ASIC2: variants seen among roughly 807,000 people sequenced by gnomAD.
The protein encoded by ASIC2 is acid sensing ion channel subunit 2.
ASIC2 carries 25 observed loss-of-function variants against 57.3 expected under a neutral mutation model. That is an observed-to-expected ratio of 0.44 (90% CI 0.32 to 0.61). The LOEUF (loss-of-function observed/expected upper bound fraction) is 0.61. Ranked by LOEUF, ASIC2 falls within the 20% of genes least tolerant of loss-of-function variation. The pLI is 0.06. For missense variants in ASIC2, 641 were observed against 738.1 expected (o/e 0.87, Z 1.52); for synonymous variants, 319 against 307.5 (o/e 1.04, Z -0.39).
At chr17:33,950,727 T>C (rs1270198760) in intron 1 of ASIC2, among the ~76,000 whole-genome samples, 1 of 152,228 alleles carries the variant, frequency 6.6e-6, no homozygotes, top group Non-Finnish European at 1.5e-5. Flanking sequence ...GATGAGACCC[T>C]GGGTCCCCTC....
At chr17:34,124,644 C>T (rs919206648) in intron 1 of ASIC2, among the ~76,000 whole-genome samples, 2 of 152,178 alleles carry the variant, frequency 1.3e-5, no homozygotes, top group Non-Finnish European at 2.9e-5. Context: ...TTATTTCTCA[C>T]ACTTCCAAGT....
At chr17:33,185,747 C>T (rs774521193) in intron 1 of ASIC2, among the ~76,000 whole-genome samples, 1 of 152,202 alleles carries the variant, frequency 6.6e-6, no homozygotes, top group Non-Finnish European at 1.5e-5. Context: ...CCACTAAGGC[C>T]GAGGGAAGAG....
At chr17:33,464,494 T>TTC (rs1912759587) in intron 1 of ASIC2, among the ~76,000 whole-genome samples, 3 of 38,618 alleles carry the variant, frequency 7.8e-5, no homozygotes, top group African/African-American at 2.5e-4. Context: ...CTTTCTTTCT[T>TTC]TCTTTCTTTC....
intron 1 of ASIC2, among the ~76,000 whole-genome samples, chr17:33,518,079 T>A (rs1479016590): frequency 6.6e-6 from 1 of 152,214 alleles, no homozygotes; most frequent in African/African-American, 2.4e-5. Context: ...GCCCCTCTGA[T>A]GTGCAGGAAC....
chr17:33,557,132 C>T (rs374647235), intron 1 of ASIC2, among the ~76,000 whole-genome samples: 44 of 152,232 alleles, frequency 2.9e-4, no homozygotes, highest in African/African-American at 1.1e-3. Flanking sequence ...ACCTTACTTC[C>T]TATAATGTGG....
rs531816641 is a variant in ASIC2 at position 33,631,932 on chromosome 17, T to C, written c.556-519865A>G. Among the ~76,000 whole-genome samples, 11 of 152,332 alleles carry C rather than the reference T, an allele frequency of 7.2e-5. No individual in the cohort carries two copies. In the South Asian group the frequency reaches 1.9e-3, roughly 26 times the overall value. ...TAGGTCTCTTCCAAGTCTGAGATTC[T>C]CTGATTCAAGAATGGGGAAGGGCCC... is the stretch of plus-strand genomic sequence containing the variant. On this transcript the variant is annotated intron_variant, in intron 1 of 9. Transcript: ENST00000359872.
At chr17:33,618,013 GC>G (rs1208761001) in intron 1 of ASIC2, among the ~76,000 whole-genome samples, 3 of 152,260 alleles carry the variant, frequency 2.0e-5, no homozygotes, top group South Asian at 4.1e-4. Context: ...GAAAATGAAT[GC>G]TCATGCTGCA....
chr17:34,082,605 A>C (rs1430253997), intron 1 of ASIC2, among the ~76,000 whole-genome samples: 1 of 152,178 alleles, frequency 6.6e-6, no homozygotes. Context: ...CAGTCCACTC[A>C]ATCACCTGTC....
At chr17:33,355,712 T>G (rs1030078539) in intron 1 of ASIC2, among the ~76,000 whole-genome samples, 1 of 152,236 alleles carries the variant, frequency 6.6e-6, no homozygotes, top group Non-Finnish European at 1.5e-5. Context: ...ATCCTAATCA[T>G]AGCCTGAGCC....
chr17:33,673,473 A>T (rs187733383), intron 1 of ASIC2, among the ~76,000 whole-genome samples: 87 of 152,340 alleles, frequency 5.7e-4, no homozygotes, highest in Admixed American at 1.8e-3. Context: ...GCTGAAAGGC[A>T]TCTGAAGAAT....
intron 1 of ASIC2, among the ~76,000 whole-genome samples, chr17:33,331,218 C>T (rs1477891694): frequency 3.3e-5 from 5 of 152,178 alleles, no homozygotes; most frequent in Admixed American, 6.5e-5. Context: ...CAACCACCCA[C>T]CCTGCCAACC....
chr17:33,774,205 T>C (rs1384379494), intron 1 of ASIC2, among the ~76,000 whole-genome samples: 2 of 152,210 alleles, frequency 1.3e-5, no homozygotes, highest in African/African-American at 4.8e-5. Flanking sequence ...TAATTTGTTA[T>C]TTCAGAATCG....
intron 1 of ASIC2, among the ~76,000 whole-genome samples, chr17:33,969,878 C>A (rs78769610): frequency 6.6e-6 from 1 of 152,080 alleles, no homozygotes; most frequent in Admixed American, 6.5e-5. Context: ...CCAACAGCAC[C>A]TGCCTCGCTA....
At chr17:33,718,160 T>G (rs1276944095) in intron 1 of ASIC2, among the ~76,000 whole-genome samples, 1 of 151,794 alleles carries the variant, frequency 6.6e-6, no homozygotes, top group African/African-American at 2.4e-5. Context: ...TGCTCCTGTA[T>G]GCTTTAAATC....
intron 1 of ASIC2, chr17:33,533,638 A>T (rs529539118): frequency 6.6e-6 from 1 of 152,312 alleles, no homozygotes; most frequent in East Asian, 1.9e-4. Flanking sequence ...TGCCCCATGG[A>T]TTGCCTGGAA....
At chr17:33,918,342 C>G (rs1597929419) in intron 1 of ASIC2, among the ~76,000 whole-genome samples, 1 of 152,108 alleles carries the variant, frequency 6.6e-6, no homozygotes, top group East Asian at 1.9e-4. Flanking sequence ...ACTTGTCTGC[C>G]CAATAAAATT....
At chr17:33,367,266 G>A (rs1908848144) in intron 1 of ASIC2, among the ~76,000 whole-genome samples, 1 of 152,208 alleles carries the variant, frequency 6.6e-6, no homozygotes, top group African/African-American at 2.4e-5. Flanking sequence ...GCCTAGAAGA[G>A]GCACAGAGAG....
chr17:33,676,191 C>T (rs982450264), intron 1 of ASIC2, among the ~76,000 whole-genome samples: 9 of 152,122 alleles, frequency 5.9e-5, no homozygotes, highest in African/African-American at 2.2e-4. Context: ...TCATCTCTTT[C>T]CCTTTCTTTG....
chr17:33,952,456 G>A (rs1904608544), intron 1 of ASIC2, among the ~76,000 whole-genome samples: 2 of 152,068 alleles, frequency 1.3e-5, no homozygotes. Flanking sequence ...CACTTCTTAG[G>A]GCTGCTGTGA....
Sources: gnomAD v4.1 joint callset for allele counts (sites outside exome capture counted in the v4.1 genomes callset) on GRCh38, gnomAD v4.1.1 for gene constraint, MANE v1.5 for transcripts, NCBI Gene and HGNC (gene_info 2026-07-23, HGNC 2026-07-21) for gene names.